Variants in EIF2AK1 observed in about 807,000 individuals in gnomAD.
EIF2AK1 encodes the protein eukaryotic translation initiation factor 2 alpha kinase 1.
In EIF2AK1, 54 loss-of-function variants were observed where a neutral mutation model predicts 77.9. That is an observed-to-expected ratio of 0.69 (90% CI 0.56 to 0.87). The LOEUF is 0.87. EIF2AK1 is among the 40% of genes least tolerant of loss of function. The pLI, the probability that EIF2AK1 is intolerant of heterozygous loss-of-function variation, is 0.00. For missense variants in EIF2AK1, 810 were observed against 768.6 expected (o/e 1.05, Z -0.64); for synonymous variants, 314 against 290.5 (o/e 1.08, Z -0.82).
Position 6,035,798 on chromosome 7 carries a change from T to G in EIF2AK1, c.1332+1626A>C. ...AGATGATGGAAACGCTCATTGCCTA[T>G]GGAGCAAACGTCAACTGTGCTGTCT... On this transcript the variant is annotated intron_variant, in intron 11 of 14. Coordinates refer to ENST00000199389, the MANE Select transcript of EIF2AK1 (RefSeq NM_014413.4). The surrounding 1 kb of genome is among the most constrained non-coding windows in gnomAD (Gnocchi z 5.5). 1 of 1,550,982 alleles carries G rather than the reference T, an allele frequency of 6.4e-7. No homozygotes were observed. Among genetic ancestry groups the G allele is most frequent in the South Asian group, 1.2e-5 (1 of 84,038 alleles).
intron 1 of EIF2AK1, among the ~76,000 whole-genome samples, chr7:6,056,271 C>T (rs189965327): frequency 8.8e-6 from 1 of 113,688 alleles, no homozygotes; most frequent in Admixed American, 1.1e-4. Context: ...CCAGCCCGGG[C>T]AACGGTGTGA....
At position 6,027,218 on chromosome 7, in the gene EIF2AK1, C is replaced by A. The variant is rs1192978561; in HGVS notation, c.1531-257G>T. 6.6e-6 allele frequency among the ~76,000 whole-genome samples: 1 copy of A among 152,146 alleles called. No individual in the cohort carries two copies. The highest frequency in any genetic ancestry group is 2.1e-4 in the South Asian group (1 of 4,828). On this transcript the variant is annotated intron_variant, in intron 13 of 14. Coordinates refer to ENST00000199389, the MANE Select transcript of EIF2AK1 (RefSeq NM_014413.4). This position sits in a 1 kb window ranked among gnomAD's most constrained non-coding sequence, Gnocchi z 4.5. ...AATCCCCACCCACAGCAGTCACGAC[C>A]ATACAACTGTCTTCAGCACCCCTTA...
In EIF2AK1 at chr7:6,026,930, A is replaced by G; in HGVS notation, c.1562T>C (p.Leu521Pro). The G allele has an allele frequency of 6.2e-7, 1 of 1,614,164 alleles. No homozygotes were observed. Among genetic ancestry groups the G allele is most frequent in the Non-Finnish European group, 8.5e-7 (1 of 1,180,036 alleles). The change falls in exon 14 of 15, where the codon CTA becomes CCA. Residue 521 changes from leucine (L) to proline (P), a missense_variant. Around this residue, in one of 3 missense-constraint regions of EIF2AK1, gnomAD observed 549 missense variants for 533.7 expected, o/e 1.03. Transcript: ENST00000199389. ...SDMYSLGVVL[L>P]ELFQPFGTEM... Reference sequence around the variant, plus strand: ...TGTTCCAAACGGCTGAAAGAGCTCTAGCAGGACCACACCCAAGCTGTACAT... The same window carrying G: ...TGTTCCAAACGGCTGAAAGAGCTCTGGCAGGACCACACCCAAGCTGTACAT...
At chr7:6,052,711 G>C (rs1788641779) in intron 2 of EIF2AK1, among the ~76,000 whole-genome samples, 2 of 150,350 alleles carry the variant, frequency 1.3e-5, no homozygotes, top group South Asian at 2.1e-4. Context: ...ACTCACAGGA[G>C]TGATCAAAGC....
Position 6,023,221 on chromosome 7 carries a change from G to C in EIF2AK1, c.*1452C>G. Reference sequence around the variant, plus strand: ...CCATGTCATCAGTCTGTGGTGTTTGGTGACTGTCCCCTTCCCCACTGTGCG... The same window carrying C: ...CCATGTCATCAGTCTGTGGTGTTTGCTGACTGTCCCCTTCCCCACTGTGCG... On this transcript the variant is annotated 3_prime_UTR_variant, in exon 15 of 15. Transcript: ENST00000199389. The C allele has an allele frequency of 6.8e-7, 1 of 1,463,684 alleles. No homozygotes were observed. Among genetic ancestry groups the C allele is most frequent in the South Asian group, 1.4e-5 (1 of 73,256 alleles). 90.7% of individuals were successfully genotyped at this position (1,463,684 alleles called of 1,614,324 possible).
rs1297174442 is a variant in EIF2AK1 at position 6,024,012 on chromosome 7, A to G, written c.*661T>C. 1 of 1,330,718 alleles carries G rather than the reference A, an allele frequency of 7.5e-7. No homozygotes were observed. Among genetic ancestry groups the G allele is most frequent in the African/African-American group, 1.5e-5 (1 of 67,642 alleles). The allele number at this position is 1,330,718 out of a possible 1,614,324, so 82.4% of individuals were successfully genotyped here. On this transcript the variant is annotated 3_prime_UTR_variant, in exon 15 of 15. Coordinates refer to ENST00000199389, the MANE Select transcript of EIF2AK1 (RefSeq NM_014413.4). ...ACAATAAAGGAGGAAGTACCGGGGA[A>G]CAGTGCAGGGCAAAGGCAGGAAAGA...
chr7:6,048,872 G>A (rs768745649), intron 3 of EIF2AK1, 28 bp from the exon 4 acceptor site: 20 of 1,530,706 alleles, frequency 1.3e-5, no homozygotes, highest in South Asian at 7.5e-5. Flanking sequence ...TTTTTAAAAA[G>A]CATTTTGAAA....
At chr7:6,054,979 A>C (rs1284019162) in intron 1 of EIF2AK1, among the ~76,000 whole-genome samples, 2 of 152,156 alleles carry the variant, frequency 1.3e-5, no homozygotes, top group East Asian at 3.9e-4. Context: ...ATCAATACGC[A>C]AGGAAGTGGG....
Position 6,031,368 on chromosome 7 carries a change from T to C in EIF2AK1, c.1333-2336A>G, listed in dbSNP as rs1787906530. ...CAACATTTTCCCCTGAAGTCTTAAG[T>C]TTTTCTCATGGGGAATATAACCAGG... On this transcript the variant is annotated intron_variant, in intron 11 of 14. Transcript: ENST00000199389. The C allele has an allele frequency of 3.9e-6, 6 of 1,550,150 alleles. No homozygotes were observed. The East Asian group carries it at 1.2e-4, about 32-fold the overall frequency.
rs774386430 is a variant in EIF2AK1 at position 6,046,054 on chromosome 7, AT to A, written c.630+16del. 4.1e-6 allele frequency: 6 copies of A among 1,471,518 alleles called. No homozygotes were observed. Among genetic ancestry groups the A allele is most frequent in the Non-Finnish European group, 4.6e-6 (5 of 1,077,784 alleles). 91.2% of individuals were successfully genotyped at this position (1,471,518 alleles called of 1,614,324 possible). A position where few individuals can be genotyped will look rare whatever the true frequency, so the allele number is the denominator to read the frequency against. ...AATACACAATTATTCAAAATAAGTA[AT>A]TTTTAAAAATCATACCTTCATGCAA... On this transcript the variant is annotated intron_variant, in intron 6 of 14. Transcript: ENST00000199389.
chr7:6,056,628 A>ATATATATATATATATATGTATG (rs749747260), intron 1 of EIF2AK1, among the ~76,000 whole-genome samples: 16 of 75,930 alleles, frequency 2.1e-4, no homozygotes, highest in African/African-American at 7.2e-4. Context: ...ATATATATAT[A>ATATATATATATATATATGTATG]TATATATAAA....
In EIF2AK1 at chr7:6,056,421, C is replaced by T. The variant is rs186238417; in HGVS notation, c.119-1717G>A. On this transcript the variant is annotated intron_variant, in intron 1 of 14. Coordinates refer to ENST00000199389, the MANE Select transcript of EIF2AK1 (RefSeq NM_014413.4). ...CAGCCTGGCCAAGATGGTGAAACCC[C>T]GTCTCTACCAAAAATACAAGAAATT... 1.9e-4 allele frequency among the ~76,000 whole-genome samples: 29 copies of T among 149,718 alleles called. No individual in the cohort carries two copies. The East Asian group carries it at 5.5e-3, about 28-fold the overall frequency.
Position 6,035,322 on chromosome 7 carries a change from C to T in EIF2AK1, c.1332+2102G>A, listed in dbSNP as rs1053365370. The T allele has an allele frequency of 1.3e-5, 13 of 994,128 alleles. No individual in the cohort carries two copies. Among genetic ancestry groups the T allele is most frequent in the African/African-American group, 3.3e-5 (2 of 61,096 alleles). 61.6% of individuals were successfully genotyped at this position (994,128 alleles called of 1,614,324 possible). ...ACCCAGCGATACAGATTTTGAAACA[C>T]GTCCTTAAGGTAATTGAAGGGTCTT... On this transcript the variant is annotated intron_variant, in intron 11 of 14. Transcript: ENST00000199389. The surrounding 1 kb of genome is among the most constrained non-coding windows in gnomAD (Gnocchi z 5.5).
At position 6,038,553 on chromosome 7, in the gene EIF2AK1, TA is replaced by T; in HGVS notation, c.1231+6del. 6.2e-7 allele frequency: 1 copy of T among 1,606,472 alleles called. No individual in the cohort carries two copies. The highest frequency in any genetic ancestry group is 8.5e-7 in the Non-Finnish European group (1 of 1,175,768). On this transcript the variant is annotated splice_donor_region_variant and intron_variant, in intron 10 of 14. Coordinates refer to ENST00000199389, the MANE Select transcript of EIF2AK1 (RefSeq NM_014413.4). ...TTCCCGGCCCGGCAGACCCAGATGG[TA>T]CTCACAGGCAGACTCGTCCACATAC...
Position 6,023,457 on chromosome 7 carries a change from G to C in EIF2AK1, c.*1216C>G, listed in dbSNP as rs770859885. The C allele has an allele frequency of 6.8e-6, 11 of 1,614,170 alleles. No individual in the cohort carries two copies. In the South Asian group the frequency reaches 1.2e-4, roughly 18 times the overall value. Reference sequence around the variant, plus strand: ...GCTGGGTAGATATTGCGATTTTTCAGTTAAAAGAGGGAAGCAGTAAAGAAA... The same window carrying C: ...GCTGGGTAGATATTGCGATTTTTCACTTAAAAGAGGGAAGCAGTAAAGAAA... On this transcript the variant is annotated 3_prime_UTR_variant, in exon 15 of 15. Coordinates refer to ENST00000199389, the MANE Select transcript of EIF2AK1 (RefSeq NM_014413.4).
chr7:6,046,963 T>C (rs1292113614), intron 5 of EIF2AK1, 29 bp downstream of exon 5: 6 of 1,520,618 alleles, frequency 3.9e-6, no homozygotes, highest in East Asian at 2.3e-5. Context: ...TTTAGGGTAG[T>C]AGGTCAAAAC....
At position 6,044,531 on chromosome 7, in the gene EIF2AK1, T is replaced by G. The variant is rs370607629; in HGVS notation, c.730+31A>C. The G allele has an allele frequency of 2.9e-4, 460 of 1,590,452 alleles. 1 individual carries two copies. Among genetic ancestry groups the G allele is most frequent in the Middle Eastern group, 5.0e-4 (3 of 6,030 alleles). On this transcript the variant is annotated intron_variant, in intron 7 of 14. Transcript: ENST00000199389. ...TGCACGGGCTAAAGTTTGCCAACGCTTCAACTACCATACCATCAAAAACGG... is the reference window on the plus strand; with the variant it reads ...TGCACGGGCTAAAGTTTGCCAACGCGTCAACTACCATACCATCAAAAACGG...
chr7:6,023,315 A>G lies in EIF2AK1; in HGVS notation c.*1358T>C. 6.2e-7 allele frequency: 1 copy of G among 1,600,594 alleles called. No individual in the cohort carries two copies. Among genetic ancestry groups the G allele is most frequent in the Non-Finnish European group, 8.5e-7 (1 of 1,174,520 alleles). On this transcript the variant is annotated 3_prime_UTR_variant, in exon 15 of 15. Coordinates refer to ENST00000199389, the MANE Select transcript of EIF2AK1 (RefSeq NM_014413.4). The stretch of plus-strand genomic sequence containing the variant: ...TTTTTCTTTTCAGTGCCGAAGACGC[A>G]GATGAAATTCAGCATCCAGACGATG...
chr7:6,037,544 GTTTTA>G lies in EIF2AK1; in HGVS notation c.1232-25_1232-21del, dbSNP rs1562748098. On this transcript the variant is annotated intron_variant, in intron 10 of 14. Transcript: ENST00000199389. ...AAGGACCTTGAAGTAAAAAAAAATA[GTTTTA>G]TTTCTCTAATTTTTTTACTCATTAC... The G allele has an allele frequency of 2.0e-6, 3 of 1,486,228 alleles. No homozygotes were observed. The highest frequency in any genetic ancestry group is 1.7e-4 in the Middle Eastern group (1 of 5,808). 92.1% of individuals were successfully genotyped at this position (1,486,228 alleles called of 1,614,324 possible). A position where few individuals can be genotyped will look rare whatever the true frequency, so the allele number is the denominator to read the frequency against.
Sources: gnomAD v4.1 joint callset for allele counts (sites outside exome capture counted in the v4.1 genomes callset) on GRCh38, gnomAD v4.1.1 for gene constraint, gnomAD v4.1.1 regional missense constraint, Gnocchi (gnomAD v3.1) non-coding constraint, MANE v1.5 for transcripts, NCBI Gene and HGNC (gene_info 2026-07-23, HGNC 2026-07-21) for gene names.